Variants in SLC25A21 observed in about 807,000 individuals in gnomAD.
SLC25A21 encodes solute carrier family 25 member 21.
In SLC25A21, 47 loss-of-function variants were observed where a neutral mutation model predicts 43.8. The ratio of observed to expected loss-of-function variants is 1.07; its 90% CI spans 0.85 to 1.37. The LOEUF (loss-of-function observed/expected upper bound fraction) is 1.37. Ranked by LOEUF, SLC25A21 falls within the 40% of genes most tolerant of loss-of-function variation. The pLI is 0.00. For synonymous variants in SLC25A21, 131 were observed against 121.3 expected, an observed-to-expected ratio of 1.08 and a Z score of -0.52; for missense variants, 352 against 350.2, an observed-to-expected ratio of 1.00 and a Z score of -0.04.
chr14:37,108,163 T>C (rs1303339095), intron 1 of SLC25A21, among the ~76,000 whole-genome samples: 3 of 152,190 alleles, frequency 2.0e-5, no homozygotes, highest in African/African-American at 7.2e-5. Flanking sequence ...AGAATGTAAA[T>C]GTACGGTGCA....
intron 1 of SLC25A21, among the ~76,000 whole-genome samples, chr14:36,939,861 G>A (rs1255225121): frequency 1.3e-5 from 2 of 152,104 alleles, no homozygotes; most frequent in Non-Finnish European, 1.5e-5. Flanking sequence ...CACAATTTTA[G>A]TCACTGCGAA....
chr14:37,144,595 T>C (rs1021910449), intron 1 of SLC25A21, among the ~76,000 whole-genome samples: 4 of 152,186 alleles, frequency 2.6e-5, no homozygotes, highest in South Asian at 2.1e-4. Flanking sequence ...AAGAAGATTA[T>C]GTTAATGAAA....
At chr14:36,859,073 AT>A (rs1889988761) in intron 2 of SLC25A21, among the ~76,000 whole-genome samples, 1 of 152,198 alleles carries the variant, frequency 6.6e-6, no homozygotes, top group African/African-American at 2.4e-5. Flanking sequence ...AGATTTCAGA[AT>A]AAAAGGCTGG....
At chr14:36,771,488 G>C (rs117416820) in intron 3 of SLC25A21, among the ~76,000 whole-genome samples, 7 of 152,088 alleles carry the variant, frequency 4.6e-5, no homozygotes, top group Admixed American at 2.6e-4. Flanking sequence ...GAGTGGCAAT[G>C]AAATACAGTG....
At chr14:36,749,470 A>G (rs1452223921) in intron 3 of SLC25A21, among the ~76,000 whole-genome samples, 3 of 152,150 alleles carry the variant, frequency 2.0e-5, no homozygotes. Context: ...TTCTCCAAGC[A>G]GTACCAGAAT....
chr14:36,986,701 C>T (rs1243541939), intron 1 of SLC25A21, among the ~76,000 whole-genome samples: 1 of 152,088 alleles, frequency 6.6e-6, no homozygotes, highest in East Asian at 1.9e-4. Context: ...TCTCAGTTCT[C>T]TGGAGTTTAG....
intron 1 of SLC25A21, among the ~76,000 whole-genome samples, chr14:37,038,255 G>C (rs1961371609): frequency 6.6e-6 from 1 of 152,116 alleles, no homozygotes; most frequent in South Asian, 2.1e-4. Flanking sequence ...ATGGGGCTCA[G>C]AGTTTCTGAG....
At chr14:36,938,779 T>C (rs1293448489) in intron 1 of SLC25A21, among the ~76,000 whole-genome samples, 1 of 151,932 alleles carries the variant, frequency 6.6e-6, no homozygotes, top group African/African-American at 2.4e-5. Context: ...AACCAATCAA[T>C]TTAAGGCACA....
chr14:36,757,790 T>C (rs1885992211), intron 3 of SLC25A21, among the ~76,000 whole-genome samples: 1 of 152,254 alleles, frequency 6.6e-6, no homozygotes, highest in Non-Finnish European at 1.5e-5. Context: ...AAGTCACCAC[T>C]AGCACTTGCT....
At chr14:36,998,255 T>C (rs1186282659) in intron 1 of SLC25A21, among the ~76,000 whole-genome samples, 4 of 152,224 alleles carry the variant, frequency 2.6e-5, no homozygotes, top group Non-Finnish European at 5.9e-5. Flanking sequence ...GTGGTGTTTC[T>C]TACACTTATT....
At chr14:36,742,756 C>T (rs1885323637) in intron 3 of SLC25A21, among the ~76,000 whole-genome samples, 3 of 152,178 alleles carry the variant, frequency 2.0e-5, no homozygotes, top group Non-Finnish European at 4.4e-5. Context: ...GCCTACCCAA[C>T]TCATATCAGG....
intron 1 of SLC25A21, among the ~76,000 whole-genome samples, chr14:37,138,776 A>C (rs1264803469): frequency 6.6e-6 from 1 of 152,106 alleles, no homozygotes; most frequent in African/African-American, 2.4e-5. Flanking sequence ...TAAAGAAAAA[A>C]TTAGTTCTGA....
intron 3 of SLC25A21, among the ~76,000 whole-genome samples, chr14:36,739,107 A>G (rs1417201145): frequency 6.6e-6 from 1 of 152,092 alleles, no homozygotes; most frequent in Non-Finnish European, 1.5e-5. Flanking sequence ...GCTTTTGAAA[A>G]ATTGTTTATG....
At chr14:36,929,122 T>C (rs1463985537) in intron 1 of SLC25A21, among the ~76,000 whole-genome samples, 2 of 152,130 alleles carry the variant, frequency 1.3e-5, no homozygotes, top group African/African-American at 4.8e-5. Flanking sequence ...ACTAATACCA[T>C]GTAAGACCTC....
intron 1 of SLC25A21, among the ~76,000 whole-genome samples, chr14:36,895,781 C>T (rs1242705360): frequency 6.6e-6 from 1 of 152,098 alleles, no homozygotes; most frequent in Non-Finnish European, 1.5e-5. Context: ...TTATTTCTGC[C>T]TTCATTTCGT....
intron 1 of SLC25A21, among the ~76,000 whole-genome samples, chr14:36,880,148 G>C (rs1200402188): frequency 2.0e-5 from 3 of 152,150 alleles, no homozygotes; most frequent in Admixed American, 1.3e-4. Context: ...TGGCCAAAGG[G>C]ATGTAAGGGA....
chr14:37,172,026 A>G, intron 1 of SLC25A21: 1 of 535,186 alleles, frequency 1.9e-6, no homozygotes, highest in Non-Finnish European at 3.3e-6. Context: ...ACAGGCTAGG[A>G]ACGGACAATG....
chr14:37,158,406 G>T (rs533333582), intron 1 of SLC25A21, among the ~76,000 whole-genome samples: 1 of 152,238 alleles, frequency 6.6e-6, no homozygotes, highest in Admixed American at 6.5e-5. Flanking sequence ...ATTTATTCCA[G>T]GGATGCAAGA....
At position 36,748,823 on chromosome 14, in the gene SLC25A21, G is replaced by T. The variant is rs560528589; in HGVS notation, c.204-14250C>A. 2.6e-5 allele frequency among the ~76,000 whole-genome samples: 4 copies of T among 152,278 alleles called. 1 individual carries two copies. The South Asian group carries it at 8.3e-4, about 32-fold the overall frequency. On this transcript the variant is annotated intron_variant, in intron 3 of 9. Transcript: ENST00000331299. ...CACGTGGATGTCTAACAGGCATCTT[G>T]TAATTAGCATGTTCAAAATGAACTC...
Sources: gnomAD v4.1 joint callset for allele counts (sites outside exome capture counted in the v4.1 genomes callset) on GRCh38, gnomAD v4.1.1 for gene constraint, MANE v1.5 for transcripts, NCBI Gene and HGNC (gene_info 2026-07-23, HGNC 2026-07-21) for gene names.